The following CNTN5 variants were observed in gnomAD, a reference collection of about 807,000 sequenced individuals.
CNTN5 encodes contactin-5.
Under a neutral mutation model 129.1 loss-of-function variants are expected in CNTN5, and 77 were observed. That is an observed-to-expected ratio of 0.60 (90% confidence interval 0.50 to 0.72). The LOEUF (loss-of-function observed/expected upper bound fraction) is 0.72, where lower values mean the gene tolerates loss of function less well. CNTN5 is among the 30% of genes least tolerant of loss of function. The pLI, the probability that CNTN5 is intolerant of heterozygous loss-of-function variation, is 0.00. For missense variants in CNTN5, 1,478 were observed against 1,328.8 expected (o/e 1.11, Z -1.75); for synonymous variants, 509 against 465.6 (o/e 1.09, Z -1.20).
intron 2 of CNTN5, among the ~76,000 whole-genome samples, chr11:99,326,436 C>T (rs941033962): frequency 6.6e-6 from 1 of 152,212 alleles, no homozygotes; most frequent in South Asian, 2.1e-4. Flanking sequence ...GTTTCCTCAT[C>T]CTACTCTATG....
At chr11:99,272,736 C>T (rs1863233875) in intron 1 of CNTN5, among the ~76,000 whole-genome samples, 1 of 151,808 alleles carries the variant, frequency 6.6e-6, no homozygotes, top group Non-Finnish European at 1.5e-5. Context: ...AAAACACAAA[C>T]ATACACCATT....
chr11:99,723,228 G>GA (rs75033106), intron 3 of CNTN5, among the ~76,000 whole-genome samples: 25,048 of 150,330 alleles, frequency 0.17, 2,512 homozygotes, highest in East Asian at 0.31. Flanking sequence ...TCCACTTTGG[G>GA]AAAAAAAAAT....
In CNTN5 at chr11:99,172,022, C is replaced by T. The variant is rs979881028; in HGVS notation, c.-210+150752C>T. ...TTTCATTTTGAAGCCAGAAACATAA[C>T]CATTATATAAATTCATGTCAGCAAA... On this transcript the variant is annotated intron_variant, in intron 1 of 24. Transcript: ENST00000524871. Among the ~76,000 whole-genome samples, 6 of 152,242 alleles carry T rather than the reference C, an allele frequency of 3.9e-5. No homozygotes were observed. In the South Asian group the frequency reaches 8.3e-4, roughly 21 times the overall value.
intron 1 of CNTN5, among the ~76,000 whole-genome samples, chr11:99,222,178 G>A (rs1416746357): frequency 2.0e-5 from 3 of 151,814 alleles, no homozygotes; most frequent in African/African-American, 7.2e-5. Flanking sequence ...AATGTGTAAT[G>A]AATGTATGTA....
At chr11:99,355,458 C>T (rs530501618) in intron 2 of CNTN5, among the ~76,000 whole-genome samples, 4 of 152,170 alleles carry the variant, frequency 2.6e-5, no homozygotes, top group East Asian at 1.9e-4. Flanking sequence ...TCCATAAGAC[C>T]CCTCAGTGCA....
At chr11:99,694,706 T>C (rs1954192245) in intron 3 of CNTN5, among the ~76,000 whole-genome samples, 1 of 152,062 alleles carries the variant, frequency 6.6e-6, no homozygotes, top group Non-Finnish European at 1.5e-5. Flanking sequence ...TGTGTGATGT[T>C]CCTCTCCCTG....
intron 3 of CNTN5, among the ~76,000 whole-genome samples, chr11:99,629,541 A>G (rs1365165832): frequency 6.6e-6 from 1 of 151,982 alleles, no homozygotes; most frequent in African/African-American, 2.4e-5. Flanking sequence ...TAGCATATTA[A>G]GGGGATAAGA....
At chr11:100,119,838 C>T (rs188077119) in intron 13 of CNTN5, among the ~76,000 whole-genome samples, 15 of 151,992 alleles carry the variant, frequency 9.9e-5, no homozygotes, top group African/African-American at 3.6e-4. Flanking sequence ...TAAAAATTGT[C>T]ATGAGACTAG....
intron 3 of CNTN5, among the ~76,000 whole-genome samples, chr11:99,731,195 G>A (rs759516737): frequency 6.7e-4 from 102 of 151,248 alleles, no homozygotes; most frequent in Non-Finnish European, 1.1e-3. Context: ...TGCAAGCTCC[G>A]CTTCCGGGTT....
intron 1 of CNTN5, among the ~76,000 whole-genome samples, chr11:99,183,930 T>A (rs1858210886): frequency 6.6e-6 from 1 of 152,124 alleles, no homozygotes; most frequent in Non-Finnish European, 1.5e-5. Flanking sequence ...AGTTAAACAA[T>A]GTTATCCTGT....
chr11:100,346,882 G>A (rs1360513959), intron 23 of CNTN5, among the ~76,000 whole-genome samples: 2 of 152,082 alleles, frequency 1.3e-5, no homozygotes, highest in Non-Finnish European at 2.9e-5. Context: ...GAGGCCTCAC[G>A]ATCACGGCGG....
At chr11:99,996,626 T>C (rs1025687779) in intron 8 of CNTN5, among the ~76,000 whole-genome samples, 2 of 152,168 alleles carry the variant, frequency 1.3e-5, no homozygotes, top group Non-Finnish European at 2.9e-5. Context: ...TCCTCAAATA[T>C]GCATGTATTA....
chr11:100,064,033 C>A (rs1483122496), intron 10 of CNTN5, among the ~76,000 whole-genome samples: 3 of 152,098 alleles, frequency 2.0e-5, no homozygotes, highest in African/African-American at 7.2e-5. Flanking sequence ...ACCTGACTGG[C>A]AGTAGATATG....
intron 2 of CNTN5, among the ~76,000 whole-genome samples, chr11:99,353,785 T>A (rs1250224984): frequency 6.6e-6 from 1 of 152,204 alleles, no homozygotes; most frequent in East Asian, 1.9e-4. Flanking sequence ...TGCCTTTAAA[T>A]AAACCTTGTT....
Position 99,673,844 on chromosome 11 carries a change from G to A in CNTN5, c.55+117575G>A, listed in dbSNP as rs533184384. 2.7e-3 allele frequency among the ~76,000 whole-genome samples: 418 copies of A among 152,170 alleles called. 1 individual carries two copies. The highest frequency in any genetic ancestry group is 4.4e-3 in the Non-Finnish European group (302 of 67,992). ...TATGCATCACATTTTGAAAAAGTCA[G>A]TCTATCATTGATGAGCATTTAGGTT... On this transcript the variant is annotated intron_variant, in intron 3 of 24. Coordinates refer to ENST00000524871, the MANE Select transcript of CNTN5 (RefSeq NM_014361.4).
intron 3 of CNTN5, among the ~76,000 whole-genome samples, chr11:99,662,490 C>A (rs1274045252): frequency 6.6e-6 from 1 of 152,152 alleles, no homozygotes; most frequent in Non-Finnish European, 1.5e-5. Flanking sequence ...CAATGGTTAT[C>A]AATTTCTGAA....
chr11:99,157,658 G>T (rs1448374345), intron 1 of CNTN5, among the ~76,000 whole-genome samples: 1 of 152,008 alleles, frequency 6.6e-6, no homozygotes, highest in African/African-American at 2.4e-5. Flanking sequence ...AATAATTAAA[G>T]CAAAAACTTC....
chr11:100,086,640 C>A (rs1944568966), intron 13 of CNTN5, among the ~76,000 whole-genome samples: 1 of 150,802 alleles, frequency 6.6e-6, no homozygotes, highest in African/African-American at 2.4e-5. Context: ...ACTGTAAATA[C>A]CGAACTAGAA....
intron 1 of CNTN5, among the ~76,000 whole-genome samples, chr11:99,155,357 CTTGA>C: frequency 6.6e-6 from 1 of 152,274 alleles, no homozygotes; most frequent in Non-Finnish European, 1.5e-5. Flanking sequence ...GCTTTACTCT[CTTGA>C]TTAACTATTT....
Sources: gnomAD v4.1 joint callset for allele counts (sites outside exome capture counted in the v4.1 genomes callset) on GRCh38, gnomAD v4.1.1 for gene constraint, MANE v1.5 for transcripts, NCBI Gene and HGNC (gene_info 2026-07-23, HGNC 2026-07-21) for gene names.